VAV3: variants seen among roughly 807,000 people sequenced by gnomAD.
VAV3 encodes the protein vav guanine nucleotide exchange factor 3.
Under a neutral mutation model 131.2 loss-of-function variants are expected in VAV3, and 94 were observed. The observed-to-expected ratio is 0.72, with a 90% CI of 0.61 to 0.85. The LOEUF is 0.85. Ranked by LOEUF, VAV3 falls within the 40% of genes least tolerant of loss-of-function variation. VAV3 has a pLI of 0.00. For missense variants in VAV3, 939 were observed against 1,002.7 expected, an observed-to-expected ratio of 0.94 and a Z score of 0.86; for synonymous variants, 349 against 342.0, an observed-to-expected ratio of 1.02 and a Z score of -0.22.
intron 20 of VAV3, among the ~76,000 whole-genome samples, chr1:107,625,683 T>C (rs1202658425): frequency 6.6e-6 from 1 of 152,244 alleles, no homozygotes; most frequent in Non-Finnish European, 1.5e-5. Context: ...GGTTGATTTG[T>C]TAGAAATTGC....
chr1:107,642,150 T>C (rs1655389695), intron 20 of VAV3, among the ~76,000 whole-genome samples: 1 of 152,124 alleles, frequency 6.6e-6, no homozygotes, highest in African/African-American at 2.4e-5. Flanking sequence ...CTCGACTGCA[T>C]TCCCTGACAA....
intron 19 of VAV3, among the ~76,000 whole-genome samples, chr1:107,660,846 T>C (rs1484312546): frequency 6.6e-6 from 1 of 152,076 alleles, no homozygotes; most frequent in Non-Finnish European, 1.5e-5. Context: ...GCATTATGTG[T>C]TTTACATTAG....
chr1:107,643,917 C>A (rs1401859590), intron 19 of VAV3, among the ~76,000 whole-genome samples: 1 of 152,120 alleles, frequency 6.6e-6, no homozygotes, highest in African/African-American at 2.4e-5. Flanking sequence ...AAACACTGTG[C>A]CCTTCACCCC....
At chr1:107,605,351 G>A (rs1652183209) in intron 22 of VAV3, among the ~76,000 whole-genome samples, 1 of 152,102 alleles carries the variant, frequency 6.6e-6, no homozygotes, top group Non-Finnish European at 1.5e-5. Flanking sequence ...TATCTTTGGA[G>A]TAGGTTCCTG....
intron 25 of VAV3, among the ~76,000 whole-genome samples, chr1:107,590,444 T>A (rs1650858068): frequency 6.6e-6 from 1 of 151,786 alleles, no homozygotes; most frequent in African/African-American, 2.4e-5. Context: ...CAGAAGAAAT[T>A]AAGCCTATAT....
At chr1:107,683,401 A>G (rs915454502) in intron 19 of VAV3, 87 bp downstream of exon 19, 3 of 1,476,986 alleles carry the variant, frequency 2.0e-6, no homozygotes, top group Non-Finnish European at 2.8e-6. Context: ...GGCCAACAAT[A>G]TGCCTCACTT....
rs146234937 is a variant in VAV3, at chr1:107,881,277, T to C, written c.205-6260A>G. 5.7e-3 allele frequency among the ~76,000 whole-genome samples: 864 copies of C among 152,200 alleles called. 12 individuals carry two copies. Among genetic ancestry groups the C allele is most frequent in the African/African-American group, 0.019 (803 of 41,528 alleles). On this transcript the variant is annotated intron_variant, in intron 1 of 26. Transcript: ENST00000370056. ...ATGGGAAGAACTCCAGGAGATTACA[T>C]GGAAAAGAAATATTTGGTAATTGAT... is the stretch of plus-strand genomic sequence containing the variant.
At chr1:107,915,601 A>C (rs1398752649) in intron 1 of VAV3, among the ~76,000 whole-genome samples, 1 of 152,160 alleles carries the variant, frequency 6.6e-6, no homozygotes, top group East Asian at 1.9e-4. Context: ...AAAATCTAGA[A>C]ACTTTAAGCC....
intron 24 of VAV3, among the ~76,000 whole-genome samples, chr1:107,601,874 A>C (rs759003501): frequency 3.1e-4 from 47 of 152,184 alleles, no homozygotes; most frequent in Non-Finnish European, 6.0e-4. Context: ...ATCAACTGTT[A>C]AGTGGCAAAA....
intron 20 of VAV3, among the ~76,000 whole-genome samples, chr1:107,624,374 C>CTGTGTG (rs59476510): frequency 0.025 from 3,651 of 143,236 alleles, 50 homozygotes; most frequent in African/African-American, 0.038. Flanking sequence ...AGTCTTATGA[C>CTGTGTG]TGTGTGTGTG....
intron 15 of VAV3, among the ~76,000 whole-genome samples, chr1:107,711,368 A>T (rs949633741): frequency 3.3e-5 from 5 of 152,208 alleles, no homozygotes; most frequent in African/African-American, 7.2e-5. Flanking sequence ...CTACATACTC[A>T]GCCACAATAT....
At chr1:107,648,486 T>C (rs1655906685) in intron 19 of VAV3, among the ~76,000 whole-genome samples, 1 of 152,060 alleles carries the variant, frequency 6.6e-6, no homozygotes, top group Admixed American at 6.6e-5. Flanking sequence ...AAAAAATGTT[T>C]CCCTAAAATA....
At chr1:107,830,874 T>C (rs1192856142) in intron 2 of VAV3, among the ~76,000 whole-genome samples, 1 of 152,182 alleles carries the variant, frequency 6.6e-6, no homozygotes, top group Non-Finnish European at 1.5e-5. Flanking sequence ...AGCTGGCTTA[T>C]AAAAATTAAG....
chr1:107,809,668 A>G (rs1215114520), intron 2 of VAV3, among the ~76,000 whole-genome samples: 2 of 152,222 alleles, frequency 1.3e-5, no homozygotes, highest in African/African-American at 4.8e-5. Context: ...TTCCAAAACA[A>G]TAGCATAAAA....
intron 4 of VAV3, among the ~76,000 whole-genome samples, chr1:107,776,554 T>C (rs996219762): frequency 7.9e-5 from 12 of 152,166 alleles, no homozygotes; most frequent in Non-Finnish European, 1.8e-4. Flanking sequence ...GCCCAGTGTG[T>C]TGGGTGTATG....
chr1:107,879,888 C>T (rs979747679), intron 1 of VAV3, among the ~76,000 whole-genome samples: 1 of 152,168 alleles, frequency 6.6e-6, no homozygotes, highest in African/African-American at 2.4e-5. Flanking sequence ...GTTTAAATAG[C>T]CATGCATCCT....
At chr1:107,916,804 T>C (rs2101135857) in intron 1 of VAV3, among the ~76,000 whole-genome samples, 1 of 152,256 alleles carries the variant, frequency 6.6e-6, no homozygotes, top group Non-Finnish European at 1.5e-5. Context: ...ATACGATTCA[T>C]GGATTAAGTA....
chr1:107,616,278 C>A (rs924843471), intron 21 of VAV3, among the ~76,000 whole-genome samples: 24 of 152,174 alleles, frequency 1.6e-4, no homozygotes, highest in African/African-American at 5.1e-4. Context: ...CAAGATCATG[C>A]CCTTTGCAGC....
chr1:107,704,895 A>T, intron 16 of VAV3, 65 bp downstream of exon 16: 1 of 1,483,300 alleles, frequency 6.7e-7, no homozygotes, highest in African/African-American at 1.4e-5. Context: ...AGGTTAGAAA[A>T]GTCTGAAACA....
Sources: allele counts gnomAD v4.1 joint callset (sites outside exome capture counted in the v4.1 genomes callset), GRCh38; gene constraint gnomAD v4.1.1; transcripts MANE v1.5; gene names NCBI Gene and HGNC (gene_info 2026-07-23, HGNC 2026-07-21).